MGAT4C: variants seen among roughly 807,000 people sequenced by gnomAD.
MGAT4C encodes alpha-1,3-mannosyl-glycoprotein 4-beta-N-acetylglucosaminyltransferase C.
MGAT4C carries 19 observed loss-of-function variants against 40.1 expected under a neutral mutation model. The ratio of observed to expected loss-of-function variants is 0.47; its 90% CI spans 0.33 to 0.70. The LOEUF is 0.70. Ranked by LOEUF, MGAT4C falls within the 30% of genes least tolerant of loss-of-function variation. MGAT4C has a pLI of 0.02. For synonymous variants in MGAT4C, 181 were observed against 187.1 expected (o/e 0.97, Z 0.27); for missense variants, 491 against 563.2 (o/e 0.87, Z 1.30).
chr12:86,127,745 G>C (rs1880512821), intron 1 of MGAT4C, among the ~76,000 whole-genome samples: 1 of 152,034 alleles, frequency 6.6e-6, no homozygotes, highest in Non-Finnish European at 1.5e-5. Flanking sequence ...AAGACACACA[G>C]ATTAGCCTAG....
intron 2 of MGAT4C, among the ~76,000 whole-genome samples, chr12:86,553,577 T>C (rs1202399369): frequency 2.6e-5 from 4 of 152,118 alleles, no homozygotes; most frequent in Non-Finnish European, 5.9e-5. Flanking sequence ...TATAATCGTT[T>C]ATCTTTAAAT....
chr12:86,689,569 TCTC>T, intron 2 of MGAT4C, among the ~76,000 whole-genome samples: 1 of 152,352 alleles, frequency 6.6e-6, no homozygotes, highest in East Asian at 1.9e-4. Context: ...CAGTCAGGCT[TCTC>T]TTGTGCAGGT....
chr12:86,344,579 AATTG>A, intron 3 of MGAT4C, among the ~76,000 whole-genome samples: 1 of 152,186 alleles, frequency 6.6e-6, no homozygotes, highest in East Asian at 1.9e-4. Flanking sequence ...AACAGGTTCC[AATTG>A]ATTGTACTTT....
intron 2 of MGAT4C, among the ~76,000 whole-genome samples, chr12:86,492,537 C>A (rs574714033): frequency 6.4e-4 from 97 of 152,214 alleles, no homozygotes; most frequent in African/African-American, 2.3e-3. Flanking sequence ...GAAAAACAAG[C>A]AATGGGGAAA....
At chr12:86,339,674 CTATT>C (rs890220347) in intron 3 of MGAT4C, among the ~76,000 whole-genome samples, 12 of 150,774 alleles carry the variant, frequency 8.0e-5, no homozygotes, top group Non-Finnish European at 1.6e-4. Flanking sequence ...ACAATTCAAA[CTATT>C]TATCTTAGCC....
chr12:86,765,532 C>G (rs1410192322), intron 1 of MGAT4C, among the ~76,000 whole-genome samples: 2 of 152,104 alleles, frequency 1.3e-5, no homozygotes, highest in East Asian at 3.9e-4. Context: ...AAAGATACCC[C>G]TTGAGAAGAG....
chr12:86,106,869 G>T (rs1161111393), intron 1 of MGAT4C, among the ~76,000 whole-genome samples: 1 of 152,142 alleles, frequency 6.6e-6, no homozygotes, highest in Non-Finnish European at 1.5e-5. Flanking sequence ...AGAATAATCA[G>T]TTTTTCATAT....
At chr12:86,516,075 C>A (rs1958682361) in intron 2 of MGAT4C, among the ~76,000 whole-genome samples, 1 of 151,756 alleles carries the variant, frequency 6.6e-6, no homozygotes, top group Non-Finnish European at 1.5e-5. Context: ...AAATCCTAGC[C>A]AACATTTTTT....
intron 4 of MGAT4C, among the ~76,000 whole-genome samples, chr12:86,311,432 T>C (rs1231159502): frequency 6.6e-6 from 1 of 151,454 alleles, no homozygotes; most frequent in African/African-American, 2.4e-5. Flanking sequence ...TGCATAACAG[T>C]ATTTGATTTT....
At chr12:86,717,317 A>G (rs1950660466) in intron 2 of MGAT4C, among the ~76,000 whole-genome samples, 1 of 152,222 alleles carries the variant, frequency 6.6e-6, no homozygotes, top group Non-Finnish European at 1.5e-5. Context: ...ATATCATGTC[A>G]ATAATTTAAA....
At chr12:86,622,546 A>G (rs1962672684) in intron 2 of MGAT4C, among the ~76,000 whole-genome samples, 1 of 152,180 alleles carries the variant, frequency 6.6e-6, no homozygotes, top group African/African-American at 2.4e-5. Flanking sequence ...ACTAACAAAT[A>G]TTATGCCTCA....
At position 85,957,657 on chromosome 12, in the gene MGAT4C, C is replaced by CAAAAAAAAAAAAAAGAAAA. The variant is rs1882870520; in HGVS notation, c.*21631_*21632insTTTTCTTTTTTTTTTTTTT. The CAAAAAAAAAAAAAAGAAAA allele has an allele frequency of 9.9e-6, 1 of 101,306 alleles. No homozygotes were observed. The highest frequency in any genetic ancestry group is 1.9e-5 in the Non-Finnish European group (1 of 52,742). The allele number at this position is 101,306 out of a possible 1,614,324, so 6.3% of individuals were successfully genotyped here. A position where few individuals can be genotyped will look rare whatever the true frequency, so the allele number is the denominator to read the frequency against. On this transcript the variant is annotated 3_prime_UTR_variant, in exon 5 of 5. Transcript: ENST00000611864. ...TTTACTGTAGAGTTGAATAAGAAAG[C>CAAAAAAAAAAAAAAGAAAA]AAAAAAAAAAAAAAAAGAAAAAAGA... is the stretch of plus-strand genomic sequence containing the variant.
At chr12:86,481,152 A>T (rs1957930711) in intron 2 of MGAT4C, among the ~76,000 whole-genome samples, 1 of 152,044 alleles carries the variant, frequency 6.6e-6, no homozygotes, top group Non-Finnish European at 1.5e-5. Flanking sequence ...TTATAATGCT[A>T]TAAATTCTAA....
intron 3 of MGAT4C, among the ~76,000 whole-genome samples, chr12:86,380,021 G>A (rs1592765273): frequency 6.6e-6 from 1 of 152,020 alleles, no homozygotes; most frequent in South Asian, 2.1e-4. Context: ...TTTTAAGTGT[G>A]GCGATATCCT....
chr12:86,292,231 T>G (rs1317692723), intron 4 of MGAT4C, among the ~76,000 whole-genome samples: 2 of 152,072 alleles, frequency 1.3e-5, no homozygotes, highest in African/African-American at 4.8e-5. Context: ...ATAATATAAA[T>G]ACATTTTAGC....
intron 2 of MGAT4C, among the ~76,000 whole-genome samples, chr12:86,436,355 C>T (rs1358869116): frequency 6.6e-6 from 1 of 151,616 alleles, no homozygotes; most frequent in African/African-American, 2.4e-5. Context: ...GGATTATAGG[C>T]TGATATATGC....
chr12:86,621,831 T>G (rs1052334723), intron 2 of MGAT4C, among the ~76,000 whole-genome samples: 2 of 152,220 alleles, frequency 1.3e-5, no homozygotes, highest in Non-Finnish European at 2.9e-5. Flanking sequence ...AAAAGCCATA[T>G]GCATTTTAGA....
At chr12:86,167,134 G>A (rs1566079567) in intron 1 of MGAT4C, among the ~76,000 whole-genome samples, 1 of 152,004 alleles carries the variant, frequency 6.6e-6, no homozygotes, top group East Asian at 1.9e-4. Context: ...CCTAAAACTA[G>A]GTTTCTTATT....
intron 1 of MGAT4C, among the ~76,000 whole-genome samples, chr12:86,173,156 C>G (rs1887028860): frequency 6.6e-6 from 1 of 152,100 alleles, no homozygotes; most frequent in African/African-American, 2.4e-5. Context: ...AATAACCTAA[C>G]TGGGATTCAT....
Sources: gnomAD v4.1 joint callset for allele counts (sites outside exome capture counted in the v4.1 genomes callset) on GRCh38, gnomAD v4.1.1 for gene constraint, MANE v1.5 for transcripts, NCBI Gene and HGNC (gene_info 2026-07-23, HGNC 2026-07-21) for gene names.